The following BORCS5 variants were observed in gnomAD, a reference collection of about 807,000 sequenced individuals.
BORCS5 encodes the protein BLOC-1-related complex subunit 5.
BORCS5 carries 17 observed loss-of-function variants against 22.1 expected under a neutral mutation model. The ratio of observed to expected loss-of-function variants is 0.77; its 90% confidence interval spans 0.53 to 1.15. BORCS5 has a LOEUF of 1.15. BORCS5 is among the 50% of genes most tolerant of loss of function. The probability of loss-of-function intolerance (pLI) is 0.00; values close to 1 mark genes in which losing one functional copy is unlikely to be tolerated. For missense variants in BORCS5, 247 were observed against 253.2 expected (o/e 0.98, Z 0.17); for synonymous variants, 117 against 99.8 (o/e 1.17, Z -1.03).
chr12:12,461,347 T>G (rs1480469822), intron 3 of BORCS5, among the ~76,000 whole-genome samples: 2 of 150,228 alleles, frequency 1.3e-5, no homozygotes, highest in Admixed American at 1.3e-4. Flanking sequence ...TTTTATTTTA[T>G]TTTTTGTAGA....
At chr12:12,455,662 C>CT (rs1942985706) in intron 3 of BORCS5, among the ~76,000 whole-genome samples, 3 of 151,710 alleles carry the variant, frequency 2.0e-5, no homozygotes, top group African/African-American at 4.8e-5. Flanking sequence ...ACCTGTAATC[C>CT]CAGCTACTTG....
chr12:12,446,336 G>C (rs561079373), intron 3 of BORCS5, among the ~76,000 whole-genome samples: 1 of 152,238 alleles, frequency 6.6e-6, no homozygotes, highest in South Asian at 2.1e-4. Flanking sequence ...GGCCTTCCCA[G>C]AAAGGAACTT....
chr12:12,388,119 T>C (rs1353868995), intron 2 of BORCS5, among the ~76,000 whole-genome samples: 12 of 151,494 alleles, frequency 7.9e-5, no homozygotes, highest in Non-Finnish European at 3.0e-5. Flanking sequence ...TGAGACTCTT[T>C]TTGGTATCTG....
chr12:12,423,685 G>T (rs182957836), intron 2 of BORCS5, among the ~76,000 whole-genome samples: 1 of 87,836 alleles, frequency 1.1e-5, no homozygotes, highest in African/African-American at 5.4e-5. Flanking sequence ...CAAATTTCTC[G>T]TTGTCTTTTT....
intron 2 of BORCS5, among the ~76,000 whole-genome samples, chr12:12,391,697 C>G (rs970168897): frequency 1.3e-5 from 2 of 151,068 alleles, no homozygotes; most frequent in African/African-American, 4.9e-5. Flanking sequence ...ACAAAATGAT[C>G]TTAACAGACT....
At chr12:12,419,237 C>T (rs1005966185) in intron 2 of BORCS5, among the ~76,000 whole-genome samples, 1 of 152,098 alleles carries the variant, frequency 6.6e-6, no homozygotes, top group East Asian at 1.9e-4. Flanking sequence ...ATGTTCCCCG[C>T]CCTGTGTCCA....
intron 3 of BORCS5, among the ~76,000 whole-genome samples, chr12:12,464,752 C>G (rs1592146999): frequency 6.6e-6 from 1 of 152,040 alleles, no homozygotes; most frequent in Admixed American, 6.6e-5. Flanking sequence ...CAAGGGCAGC[C>G]CAGAGCCCGC....
At chr12:12,363,593 C>T (rs543482920) in intron 2 of BORCS5, among the ~76,000 whole-genome samples, 28 of 152,182 alleles carry the variant, frequency 1.8e-4, no homozygotes, top group Non-Finnish European at 2.2e-4. Context: ...AAAAATTAGC[C>T]GGGTGTGGTG....
intron 2 of BORCS5, among the ~76,000 whole-genome samples, chr12:12,390,190 G>A (rs547113138): frequency 6.6e-6 from 1 of 152,036 alleles, no homozygotes; most frequent in East Asian, 1.9e-4. Context: ...ATATTTGAGG[G>A]CTGCTATGTG....
At chr12:12,394,800 C>G (rs894019830) in intron 2 of BORCS5, among the ~76,000 whole-genome samples, 2 of 152,034 alleles carry the variant, frequency 1.3e-5, no homozygotes. Flanking sequence ...GTGCCTGTTT[C>G]CCATGTGCCA....
At chr12:12,416,326 A>G (rs1941953476) in intron 2 of BORCS5, among the ~76,000 whole-genome samples, 1 of 149,828 alleles carries the variant, frequency 6.7e-6, no homozygotes, top group African/African-American at 2.5e-5. Context: ...TATTTTATTT[A>G]TCTTTGGTCT....
Position 12,367,373 on chromosome 12 carries a change from T to C in BORCS5, c.202+6024T>C, listed in dbSNP as rs533754775. ...AAAGGAGGGGACAAGAGAATGGATC[T>C]TAATCAGAGCCACAGTCTTCTCTGA... On this transcript the variant is annotated intron_variant, in intron 2 of 3. Transcript: ENST00000314565. 2.8e-4 allele frequency among the ~76,000 whole-genome samples: 42 copies of C among 152,332 alleles called. 1 individual carries two copies. Among genetic ancestry groups the C allele is most frequent in the African/African-American group, 9.9e-4 (41 of 41,572 alleles).
intron 3 of BORCS5, among the ~76,000 whole-genome samples, chr12:12,442,996 T>C (rs113793138): frequency 3.3e-5 from 5 of 152,328 alleles, no homozygotes; most frequent in African/African-American, 1.2e-4. Flanking sequence ...CCAGATTAAA[T>C]GAGTAGTTCC....
chr12:12,372,475 T>C (rs528057987), intron 2 of BORCS5, among the ~76,000 whole-genome samples: 1 of 152,278 alleles, frequency 6.6e-6, no homozygotes, highest in African/African-American at 2.4e-5. Flanking sequence ...TCCACCAAAT[T>C]GTTGGGATTA....
At chr12:12,393,312 CTCT>C (rs894360188) in intron 2 of BORCS5, among the ~76,000 whole-genome samples, 3 of 151,966 alleles carry the variant, frequency 2.0e-5, no homozygotes, top group Non-Finnish European at 4.4e-5. Context: ...GTTTAAAAAT[CTCT>C]TCTTAAACAT....
At chr12:12,458,143 TG>T (rs1335481309) in intron 3 of BORCS5, among the ~76,000 whole-genome samples, 2 of 152,212 alleles carry the variant, frequency 1.3e-5, no homozygotes, top group African/African-American at 4.8e-5. Context: ...TGTTTTGTTT[TG>T]TTTTCCTGAT....
At chr12:12,437,552 A>G (rs1054004036) in intron 3 of BORCS5, among the ~76,000 whole-genome samples, 2 of 152,172 alleles carry the variant, frequency 1.3e-5, no homozygotes, top group African/African-American at 4.8e-5. Context: ...AAAGAGGTCA[A>G]ACGATTTGCA....
At chr12:12,377,053 C>T (rs908051026) in intron 2 of BORCS5, among the ~76,000 whole-genome samples, 2 of 152,180 alleles carry the variant, frequency 1.3e-5, no homozygotes, top group Non-Finnish European at 2.9e-5. Flanking sequence ...ACAAATCTTA[C>T]TACCGGAGGA....
chr12:12,406,575 T>C (rs1056937222), intron 2 of BORCS5, among the ~76,000 whole-genome samples: 1 of 152,210 alleles, frequency 6.6e-6, no homozygotes, highest in Admixed American at 6.5e-5. Context: ...TGATATTTTA[T>C]TTATTTTCAT....
Sources: gnomAD v4.1 joint callset for allele counts (sites outside exome capture counted in the v4.1 genomes callset) on GRCh38, gnomAD v4.1.1 for gene constraint, MANE v1.5 for transcripts, NCBI Gene and HGNC (gene_info 2026-07-23, HGNC 2026-07-21) for gene names.